RORA: variants seen among roughly 807,000 people sequenced by gnomAD.
The protein encoded by RORA is nuclear receptor ROR-alpha.
In RORA, 7 loss-of-function variants were observed where a neutral mutation model predicts 69.5. The ratio of observed to expected loss-of-function variants is 0.10; its 90% CI spans 0.06 to 0.19. The LOEUF (loss-of-function observed/expected upper bound fraction) is 0.19. Ranked by LOEUF, RORA falls within the 10% of genes least tolerant of loss-of-function variation. RORA has a pLI of 1.00. For missense variants in RORA, 457 were observed against 663.0 expected (o/e 0.69, Z 3.41); for synonymous variants, 261 against 240.8 (o/e 1.08, Z -0.78).
chr15:60,970,130 C>T (rs879811948), intron 1 of RORA, among the ~76,000 whole-genome samples: 1 of 152,184 alleles, frequency 6.6e-6, no homozygotes, highest in Admixed American at 6.5e-5. Flanking sequence ...TTGCTAGCAC[C>T]TTGATCTTGC....
intron 1 of RORA, among the ~76,000 whole-genome samples, chr15:61,114,718 C>T (rs1042993916): frequency 1.3e-5 from 2 of 152,176 alleles, no homozygotes; most frequent in Admixed American, 6.5e-5. Flanking sequence ...CCTTGCATCA[C>T]GGATGGTTAT....
At chr15:60,972,653 A>T (rs1292216380) in intron 1 of RORA, among the ~76,000 whole-genome samples, 1 of 152,218 alleles carries the variant, frequency 6.6e-6, no homozygotes, top group Non-Finnish European at 1.5e-5. Flanking sequence ...GTCTGGATTT[A>T]AATGCTGCTC....
chr15:60,841,192 T>C lies in RORA; in HGVS notation c.167-162506A>G, dbSNP rs571829299. ...AGCTTGGAGAAAGAACACACACCCA[T>C]AGACTGCAAACACTTCTCAGGTGGC... On this transcript the variant is annotated intron_variant, in intron 1 of 10. Coordinates refer to ENST00000335670, the MANE Select transcript of RORA (RefSeq NM_134261.3). 7 of 504,782 alleles carry C rather than the reference T, an allele frequency of 1.4e-5. 1 individual carries two copies. In the South Asian group the frequency reaches 4.3e-4, roughly 31 times the overall value. The allele number at this position is 504,782 out of a possible 1,614,324, so 31.3% of individuals were successfully genotyped here. A position where few individuals can be genotyped will look rare whatever the true frequency, so the allele number is the denominator to read the frequency against.
At chr15:60,966,169 A>G (rs538221469) in intron 1 of RORA, among the ~76,000 whole-genome samples, 1 of 152,102 alleles carries the variant, frequency 6.6e-6, no homozygotes, top group Non-Finnish European at 1.5e-5. Flanking sequence ...CTCTGTATCC[A>G]CATTTCCTCT....
chr15:61,082,968 A>T (rs1289643112), intron 1 of RORA, among the ~76,000 whole-genome samples: 1 of 152,212 alleles, frequency 6.6e-6, no homozygotes, highest in South Asian at 2.1e-4. Flanking sequence ...AAATAGAACC[A>T]GGCTGGGATG....
chr15:60,984,684 T>C (rs1894144675), intron 1 of RORA, among the ~76,000 whole-genome samples: 1 of 152,068 alleles, frequency 6.6e-6, no homozygotes, highest in Admixed American at 6.6e-5. Flanking sequence ...AATACAGAAA[T>C]TGAGAGTAGT....
At chr15:61,007,752 GTTATATA>G (rs1255310012) in intron 1 of RORA, among the ~76,000 whole-genome samples, 8 of 147,202 alleles carry the variant, frequency 5.4e-5, no homozygotes, top group African/African-American at 1.7e-4. Flanking sequence ...TTAGCCTAAT[GTTATATA>G]TTATATATAA....
At chr15:60,514,518 G>C in intron 4 of RORA, 98 bp downstream of exon 4, 3 of 1,175,286 alleles carry the variant, frequency 2.6e-6, no homozygotes, top group Non-Finnish European at 3.7e-6. Context: ...TAATGAGGAG[G>C]GGGCAGGCGG....
At chr15:61,091,565 G>A (rs2078707594) in intron 1 of RORA, among the ~76,000 whole-genome samples, 1 of 152,130 alleles carries the variant, frequency 6.6e-6, no homozygotes, top group Non-Finnish European at 1.5e-5. Context: ...GAAACCTCTG[G>A]GATGAAGGTC....
chr15:60,974,882 G>A (rs1174425409), intron 1 of RORA, among the ~76,000 whole-genome samples: 2 of 152,222 alleles, frequency 1.3e-5, no homozygotes, highest in African/African-American at 2.4e-5. Context: ...AAGAAAGGGA[G>A]GTGGCTTTCC....
chr15:61,104,348 C>A (rs943141633), intron 1 of RORA, among the ~76,000 whole-genome samples: 4 of 152,312 alleles, frequency 2.6e-5, no homozygotes, highest in Middle Eastern at 3.4e-3. Flanking sequence ...CAAACTCTGA[C>A]AAGTCTGTTG....
rs2065026272 is a variant in RORA, at chr15:60,490,615, T to C, written c.*6840A>G. 6.6e-6 allele frequency: 1 copy of C among 152,170 alleles called. No individual in the cohort carries two copies. The highest frequency in any genetic ancestry group is 2.4e-5 in the African/African-American group (1 of 41,446). 9.4% of individuals were successfully genotyped at this position (152,170 alleles called of 1,614,324 possible). On this transcript the variant is annotated 3_prime_UTR_variant, in exon 11 of 11. Coordinates refer to ENST00000335670, the MANE Select transcript of RORA (RefSeq NM_134261.3). This position sits in a 1 kb window ranked among gnomAD's most constrained non-coding sequence, Gnocchi z 4.1. ...TAATAGTAAATAAGGAATCGATTGCTCAAGTTGAAGAAAGCAGTAAACAAG... is the reference window on the plus strand; with the variant it reads ...TAATAGTAAATAAGGAATCGATTGCCCAAGTTGAAGAAAGCAGTAAACAAG...
chr15:60,597,551 CATATATATATATATATATAT>C (rs1203238304), intron 2 of RORA, among the ~76,000 whole-genome samples: 32 of 25,106 alleles, frequency 1.3e-3, no homozygotes, highest in African/African-American at 2.9e-3. Flanking sequence ...ACACACACAA[CATATATATATATATATATAT>C]ATACACATAT....
intron 1 of RORA, among the ~76,000 whole-genome samples, chr15:60,925,249 T>C (rs954798000): frequency 5.9e-5 from 9 of 152,200 alleles, no homozygotes; most frequent in East Asian, 1.9e-4. Flanking sequence ...TTTTTGAAAG[T>C]TGTCAGTTTC....
At chr15:60,777,647 C>T (rs758826838) in intron 1 of RORA, among the ~76,000 whole-genome samples, 25 of 152,206 alleles carry the variant, frequency 1.6e-4, no homozygotes, top group Non-Finnish European at 2.2e-4. Context: ...ATTACACCTT[C>T]ATTTTAACAT....
intron 1 of RORA, among the ~76,000 whole-genome samples, chr15:60,823,135 T>C (rs370714301): frequency 1.4e-5 from 1 of 72,952 alleles, no homozygotes; most frequent in Admixed American, 1.8e-4. Context: ...TCTCTCTTTC[T>C]TTTTTTCTCC....
At chr15:60,526,870 TA>T (rs1202441251) in intron 3 of RORA, among the ~76,000 whole-genome samples, 10 of 152,226 alleles carry the variant, frequency 6.6e-5, no homozygotes, top group African/African-American at 2.4e-4. Context: ...CTTTTTAACC[TA>T]AACATAAAAA....
intron 1 of RORA, among the ~76,000 whole-genome samples, chr15:60,985,834 C>T (rs929223464): frequency 1.9e-4 from 29 of 152,108 alleles, no homozygotes; most frequent in African/African-American, 7.0e-4. Context: ...CCCGCTTTGG[C>T]CTCCCAAAAT....
At chr15:60,725,349 G>A (rs918272491) in intron 1 of RORA, among the ~76,000 whole-genome samples, 1 of 152,106 alleles carries the variant, frequency 6.6e-6, no homozygotes, top group Non-Finnish European at 1.5e-5. Context: ...ATGCATCATG[G>A]TGCTCAATTG....
Sources: allele counts gnomAD v4.1 joint callset (sites outside exome capture counted in the v4.1 genomes callset), GRCh38; gene constraint gnomAD v4.1.1; non-coding constraint Gnocchi (gnomAD v3.1); transcripts MANE v1.5; gene names NCBI Gene and HGNC (gene_info 2026-07-23, HGNC 2026-07-21).